Variants in SIRT5 observed in about 807,000 individuals in gnomAD.
SIRT5 encodes the protein sirtuin 5.
In SIRT5, 26 loss-of-function variants were observed where a neutral mutation model predicts 40.0. That is an observed-to-expected ratio of 0.65 (90% CI 0.48 to 0.90). The LOEUF is 0.90. SIRT5 is among the 40% of genes least tolerant of loss of function. The pLI, the probability that SIRT5 is intolerant of heterozygous loss-of-function variation, is 0.00. For synonymous variants in SIRT5, 146 were observed against 149.1 expected (o/e 0.98, Z 0.15); for missense variants, 401 against 402.4 (o/e 1.00, Z 0.03).
At chr6:13,596,591 A>G (rs1038413467) in intron 6 of SIRT5, among the ~76,000 whole-genome samples, 2 of 152,022 alleles carry the variant, frequency 1.3e-5, no homozygotes, top group African/African-American at 4.8e-5. Context: ...GGCTCGAGCA[A>G]TCCTCCTGCC....
At chr6:13,575,802 C>G (rs1246685793) in intron 1 of SIRT5, among the ~76,000 whole-genome samples, 1 of 152,182 alleles carries the variant, frequency 6.6e-6, no homozygotes, top group Non-Finnish European at 1.5e-5. Flanking sequence ...ACATCCCTCC[C>G]TTCCACATCA....
intron 8 of SIRT5, among the ~76,000 whole-genome samples, chr6:13,600,271 G>A (rs1762198598): frequency 6.6e-6 from 1 of 152,190 alleles, no homozygotes; most frequent in Non-Finnish European, 1.5e-5. Flanking sequence ...TCCCAGTGTT[G>A]AGTATAGTGC....
At chr6:13,590,332 C>T (rs550306891) in intron 4 of SIRT5, among the ~76,000 whole-genome samples, 1 of 152,240 alleles carries the variant, frequency 6.6e-6, no homozygotes, top group East Asian at 1.9e-4. Context: ...GGCTCCTTTA[C>T]CAGAAAGGAG....
chr6:13,600,498 A>T lies in SIRT5; in HGVS notation c.742-336A>T, dbSNP rs548786368. On this transcript the variant is annotated intron_variant, in intron 8 of 9. Coordinates refer to ENST00000606117, the MANE Select transcript of SIRT5 (RefSeq NM_012241.5). ...TTCTACCTTAAACAAAAAGATAGAA[A>T]ATATGTTTTAAAAAGTTATGGATCA... is the stretch of plus-strand genomic sequence containing the variant. Among the ~76,000 whole-genome samples the T allele has an allele frequency of 9.2e-5, 14 of 152,374 alleles. No homozygotes were observed. The East Asian group carries it at 2.5e-3, about 27-fold the overall frequency.
At chr6:13,584,747 T>C (rs991838508) in intron 3 of SIRT5, among the ~76,000 whole-genome samples, 5 of 150,310 alleles carry the variant, frequency 3.3e-5, no homozygotes, top group African/African-American at 1.2e-4. Flanking sequence ...TCTGCCAGAA[T>C]ATTTGCATTT....
chr6:13,611,898 C>G lies in SIRT5; in HGVS notation c.*33C>G. The G allele has an allele frequency of 1.2e-6, 2 of 1,604,096 alleles. No individual in the cohort carries two copies. Among genetic ancestry groups the G allele is most frequent in the African/African-American group, 1.3e-5 (1 of 74,854 alleles). Reference sequence around the variant, plus strand: ...GGGGAAGAAAGAAATTACAGTATATCTAAGAACTAGGCCACACGCAGAGGA... The same window carrying G: ...GGGGAAGAAAGAAATTACAGTATATGTAAGAACTAGGCCACACGCAGAGGA... On this transcript the variant is annotated 3_prime_UTR_variant, in exon 10 of 10. Coordinates refer to ENST00000606117, the MANE Select transcript of SIRT5 (RefSeq NM_012241.5).
rs368093809 is a variant in SIRT5 at position 13,612,340 on chromosome 6, C to CTT, written c.*491_*492dup. On this transcript the variant is annotated 3_prime_UTR_variant, in exon 10 of 10. Transcript: ENST00000606117. ...CCCCACGATATGGCTTTATTAGGGA[C>CTT]TTTTTTTTTTTTTTTTTGAGACAGA... 60 of 133,434 alleles carry CTT rather than the reference C, an allele frequency of 4.5e-4. No individual in the cohort carries two copies. Among genetic ancestry groups the CTT allele is most frequent in the African/African-American group, 8.4e-4 (30 of 35,908 alleles). 8.3% of individuals were successfully genotyped at this position (133,434 alleles called of 1,614,324 possible).
chr6:13,607,882 C>G lies in SIRT5; in HGVS notation c.858-3908C>G, dbSNP rs574268513. Among the ~76,000 whole-genome samples, 14 of 152,170 alleles carry G rather than the reference C, an allele frequency of 9.2e-5. No individual in the cohort carries two copies. In the East Asian group the frequency reaches 2.7e-3, roughly 29 times the overall value. ...AATTCTCCTGCCTCAGCCTCCCAAG[C>G]AGCTAGGACTACAGGCGTGCGCCAC... is the stretch of plus-strand genomic sequence containing the variant. On this transcript the variant is annotated intron_variant, in intron 9 of 9. Transcript: ENST00000606117. The surrounding 1 kb of genome is among the most constrained non-coding windows in gnomAD (Gnocchi z 4.0).
rs544836547 is a variant in SIRT5, at chr6:13,614,001, T to C, written c.*2136T>C. 6.6e-6 allele frequency: 1 copy of C among 152,338 alleles called. No individual in the cohort carries two copies. The highest frequency in any genetic ancestry group is 2.4e-5 in the African/African-American group (1 of 41,582). The allele number at this position is 152,338 out of a possible 1,614,324, so 9.4% of individuals were successfully genotyped here. On this transcript the variant is annotated 3_prime_UTR_variant, in exon 10 of 10. Transcript: ENST00000606117. Reference sequence around the variant, plus strand: ...TTTTTTTGTTGTTGTTGTTTTCAAGTTTTATCATTTTTGTTCCTATTTGGT... The same window carrying C: ...TTTTTTTGTTGTTGTTGTTTTCAAGCTTTATCATTTTTGTTCCTATTTGGT...
In SIRT5 at chr6:13,613,789, A is replaced by G. The variant is rs1235598497; in HGVS notation, c.*1924A>G. On this transcript the variant is annotated 3_prime_UTR_variant, in exon 10 of 10. Transcript: ENST00000606117. ...TACTTATAAAGCAGTTTTGCACATA[A>G]AATACCATCATGCACTTATAAGTTT... is the stretch of plus-strand genomic sequence containing the variant. The G allele has an allele frequency of 5.3e-5, 8 of 152,186 alleles. No individual in the cohort carries two copies. Among genetic ancestry groups the G allele is most frequent in the African/African-American group, 1.9e-4 (8 of 41,432 alleles). The allele number at this position is 152,186 out of a possible 1,614,324, so 9.4% of individuals were successfully genotyped here.
chr6:13,605,128 T>C (rs1762931296), intron 9 of SIRT5: 9 of 985,530 alleles, frequency 9.1e-6, no homozygotes, highest in Non-Finnish European at 1.1e-5. Context: ...CAGAATTGTA[T>C]ATCTCGTGCT....
intron 4 of SIRT5, among the ~76,000 whole-genome samples, chr6:13,588,837 T>A (rs1760427567): frequency 6.6e-6 from 1 of 152,198 alleles, no homozygotes; most frequent in Admixed American, 6.5e-5. Context: ...CTAATGTCAG[T>A]TATTGAAGGG....
intron 9 of SIRT5, among the ~76,000 whole-genome samples, chr6:13,611,351 CAT>C (rs1157855944): frequency 4.6e-5 from 7 of 150,548 alleles, no homozygotes; most frequent in South Asian, 2.1e-4. Flanking sequence ...ACACATAAAA[CAT>C]ATATATGTAT....
chr6:13,583,289 C>CTTTT (rs765557886), intron 2 of SIRT5, among the ~76,000 whole-genome samples: 36 of 100,510 alleles, frequency 3.6e-4, no homozygotes, highest in African/African-American at 6.7e-4. Context: ...CTTCTTTGTT[C>CTTTT]TTTTTTTTTT....
At chr6:13,574,460 T>G (rs907681641), upstream of SIRT5, 1 of 148,848 alleles carries the variant, frequency 6.7e-6, no homozygotes, top group African/African-American at 2.5e-5. Context: ...CGGTCCGCGG[T>G]GCGCATGCGC....
intron 9 of SIRT5, among the ~76,000 whole-genome samples, chr6:13,604,308 G>T (rs1762802645): frequency 6.6e-6 from 1 of 152,192 alleles, no homozygotes; most frequent in Non-Finnish European, 1.5e-5. Flanking sequence ...TGGAGCAGCT[G>T]GGCCACTTAG....
chr6:13,599,833 T>C (rs1762127329), intron 8 of SIRT5, among the ~76,000 whole-genome samples: 1 of 152,228 alleles, frequency 6.6e-6, no homozygotes, highest in African/African-American at 2.4e-5. Context: ...CTAAACCTTT[T>C]CTTATGCAGA....
At chr6:13,604,384 A>T in intron 9 of SIRT5, 1 of 831,968 alleles carries the variant, frequency 1.2e-6, no homozygotes, top group Non-Finnish European at 2.0e-6. Flanking sequence ...AAAGACCATC[A>T]GAAAACTCGA....
At chr6:13,604,379 C>T (rs1285886293) in intron 9 of SIRT5, 3 of 812,538 alleles carry the variant, frequency 3.7e-6, no homozygotes, top group Non-Finnish European at 6.3e-6. Flanking sequence ...GTTTGAAAGA[C>T]CATCAGAAAA....
Sources: gnomAD v4.1 joint callset for allele counts (sites outside exome capture counted in the v4.1 genomes callset) on GRCh38, gnomAD v4.1.1 for gene constraint, Gnocchi (gnomAD v3.1) non-coding constraint, MANE v1.5 for transcripts, NCBI Gene and HGNC (gene_info 2026-07-23, HGNC 2026-07-21) for gene names.